The following MTFR1 variants were observed in gnomAD, a reference collection of about 807,000 sequenced individuals.
MTFR1 encodes the protein chondrocyte protein with a poly-proline region.
A neutral mutation model predicts 38.8 loss-of-function variants in MTFR1; 28 were observed. The observed-to-expected ratio is 0.72, with a 90% CI of 0.53 to 0.99. The LOEUF (loss-of-function observed/expected upper bound fraction) is 0.99, where lower values mean the gene tolerates loss of function less well. Among genes scored for constraint, MTFR1 ranks in the 50% least tolerant of loss-of-function variants. The pLI, the probability that MTFR1 is intolerant of heterozygous loss-of-function variation, is 0.00. For synonymous variants in MTFR1, 145 were observed against 137.0 expected, an observed-to-expected ratio of 1.06 and a Z score of -0.41; for missense variants, 358 against 395.5, an observed-to-expected ratio of 0.91 and a Z score of 0.81.
chr8:65,732,649 G>A (rs1174426633), intron 3 of MTFR1, among the ~76,000 whole-genome samples: 1 of 152,106 alleles, frequency 6.6e-6, no homozygotes, highest in Non-Finnish European at 1.5e-5. Flanking sequence ...AAGTAGCTGG[G>A]ACCACAGGTA....
chr8:65,710,060 T>C lies in MTFR1; in HGVS notation c.*1016T>C, dbSNP rs1330944162. On this transcript the variant is annotated 3_prime_UTR_variant, in exon 8 of 8. Coordinates refer to ENST00000262146, the MANE Select transcript of MTFR1 (RefSeq NM_014637.4). ...GAACTGCCTTTTTCATCTGGGGCTT[T>C]TAAGGACTTGCTATAAATGATTATT... The C allele has an allele frequency of 6.6e-6, 1 of 152,212 alleles. No homozygotes were observed. The highest frequency in any genetic ancestry group is 1.5e-5 in the Non-Finnish European group (1 of 68,036). 9.4% of individuals were successfully genotyped at this position (152,212 alleles called of 1,614,324 possible).
At position 65,691,362 on chromosome 8, in the gene MTFR1, A is replaced by G. The variant is rs4737752; in HGVS notation, c.166-2282A>G. 4.6e-3 allele frequency among the ~76,000 whole-genome samples: 696 copies of G among 152,192 alleles called. 11 individuals carry two copies. Among genetic ancestry groups the G allele is most frequent in the Admixed American group, 0.021 (327 of 15,290 alleles). ...GAGTGTGGTGGTGCGATCATGCCTC[A>G]CTGCAGCCTCTGCCTCCTGGGTTCA... On this transcript the variant is annotated intron_variant, in intron 3 of 7. Transcript: ENST00000262146.
intron 1 of MTFR1, among the ~76,000 whole-genome samples, chr8:65,661,073 A>G (rs938308085): frequency 6.6e-6 from 1 of 152,236 alleles, no homozygotes; most frequent in African/African-American, 2.4e-5. Flanking sequence ...GAAGGAGGGT[A>G]AATTAATAGG....
At chr8:65,708,238 C>A in intron 7 of MTFR1, 2 of 909,184 alleles carry the variant, frequency 2.2e-6, no homozygotes, top group Non-Finnish European at 3.2e-6. Flanking sequence ...AATAGTTGTT[C>A]ATTTGGAAAT....
chr8:65,700,915 C>T (rs144864812), intron 4 of MTFR1, among the ~76,000 whole-genome samples: 3 of 152,260 alleles, frequency 2.0e-5, no homozygotes, highest in African/African-American at 4.8e-5. Context: ...TGGAAAAGGA[C>T]GGAACTCAAA....
chr8:65,699,765 CTTCT>C (rs977335419), intron 4 of MTFR1, among the ~76,000 whole-genome samples: 1 of 152,182 alleles, frequency 6.6e-6, no homozygotes, highest in African/African-American at 2.4e-5. Context: ...GGAATCTACC[CTTCT>C]GTGTTTATAA....
At chr8:65,756,807 T>C (rs1424883791) in intron 3 of MTFR1, among the ~76,000 whole-genome samples, 1 of 152,076 alleles carries the variant, frequency 6.6e-6, no homozygotes, top group Non-Finnish European at 1.5e-5. Flanking sequence ...TTCCTGTATG[T>C]TTTGTATTTT....
Position 65,707,209 on chromosome 8 carries a change from A to G in MTFR1, c.717A>G (p.Leu239=), listed in dbSNP as rs745400965. The change falls in exon 6 of 8, where the codon CTA becomes CTG. Residue 239 remains leucine (L), a synonymous_variant. Coordinates refer to ENST00000262146, the MANE Select transcript of MTFR1 (RefSeq NM_014637.4). ...AGAAACCTGAAATGCCAAATATGCTAGAGATCCTTAAAGAGATGAACAGTG... is the reference window on the plus strand; with the variant it reads ...AGAAACCTGAAATGCCAAATATGCTGGAGATCCTTAAAGAGATGAACAGTG... ...NPKKPEMPNM[L]EILKEMNSVK... is the part of the protein sequence containing the mutation. 3 of 1,613,140 alleles carry G rather than the reference A, an allele frequency of 1.9e-6. No individual in the cohort carries two copies. Among genetic ancestry groups the G allele is most frequent in the East Asian group, 2.2e-5 (1 of 44,888 alleles).
intron 3 of MTFR1, chr8:65,734,947 G>A: frequency 2.7e-6 from 3 of 1,099,682 alleles, no homozygotes; most frequent in Non-Finnish European, 4.2e-6. Context: ...ACATATACAA[G>A]GACAAAAATT....
At chr8:65,660,312 C>CAA (rs368007051) in intron 1 of MTFR1, among the ~76,000 whole-genome samples, 14,096 of 129,116 alleles carry the variant, frequency 0.11, 901 homozygotes, top group Middle Eastern at 0.16. Context: ...AAAAAAAAGA[C>CAA]AAAAAAAAAA....
intron 3 of MTFR1, among the ~76,000 whole-genome samples, chr8:65,760,788 A>G (rs1214898031): frequency 1.3e-5 from 2 of 152,170 alleles, no homozygotes; most frequent in Admixed American, 6.5e-5. Flanking sequence ...TGGGGAAAGG[A>G]AGGAGGGTAG....
intron 3 of MTFR1, among the ~76,000 whole-genome samples, chr8:65,746,303 T>C (rs752457058): frequency 6.6e-5 from 10 of 152,180 alleles, no homozygotes; most frequent in Non-Finnish European, 1.2e-4. Context: ...TGCTCAGCTA[T>C]AAAGTGATAG....
chr8:65,730,168 C>CTTTTTTTTTTTTTT (rs1563473710), intron 3 of MTFR1, among the ~76,000 whole-genome samples: 3 of 31,670 alleles, frequency 9.5e-5, no homozygotes, highest in Non-Finnish European at 1.2e-4. Flanking sequence ...AGGTTGCGCA[C>CTTTTTTTTTTTTTT]TTCTTTTTTT....
intron 3 of MTFR1, chr8:65,724,941 A>C: frequency 6.5e-7 from 1 of 1,540,648 alleles, no homozygotes; most frequent in Non-Finnish European, 8.8e-7. Context: ...GAGAAATATA[A>C]AGAGAAAATA....
At chr8:65,686,858 A>C (rs924654758) in intron 3 of MTFR1, among the ~76,000 whole-genome samples, 5 of 151,410 alleles carry the variant, frequency 3.3e-5, no homozygotes, top group African/African-American at 1.2e-4. Flanking sequence ...CGGGAACTGG[A>C]GGTTGTAATG....
intron 3 of MTFR1, among the ~76,000 whole-genome samples, chr8:65,753,523 C>G (rs1413766329): frequency 6.6e-6 from 1 of 152,140 alleles, no homozygotes; most frequent in East Asian, 1.9e-4. Flanking sequence ...CCTCACCCAC[C>G]CCTAAGCTTT....
intron 2 of MTFR1, among the ~76,000 whole-genome samples, chr8:65,670,687 A>G (rs1585760897): frequency 6.6e-6 from 1 of 150,958 alleles, no homozygotes; most frequent in Admixed American, 6.6e-5. Flanking sequence ...GGCAGGTTAC[A>G]TAATTTGAAT....
intron 1 of MTFR1, among the ~76,000 whole-genome samples, chr8:65,657,934 A>T (rs1035024640): frequency 6.6e-6 from 1 of 152,200 alleles, no homozygotes; most frequent in East Asian, 1.9e-4. Flanking sequence ...ATTCAGTATC[A>T]TAGTCCTTAT....
intron 2 of MTFR1, among the ~76,000 whole-genome samples, chr8:65,716,986 A>C (rs1414786298): frequency 6.6e-6 from 1 of 152,214 alleles, no homozygotes; most frequent in Admixed American, 6.5e-5. Context: ...ATGTGCTGTA[A>C]GTACACAATA....
Sources: gnomAD v4.1 joint callset for allele counts (sites outside exome capture counted in the v4.1 genomes callset) on GRCh38, gnomAD v4.1.1 for gene constraint, MANE v1.5 for transcripts, NCBI Gene and HGNC (gene_info 2026-07-23, HGNC 2026-07-21) for gene names.